The following ADAMTS12 variants were observed in gnomAD, a reference collection of about 807,000 sequenced individuals.
The protein encoded by ADAMTS12 is A disintegrin and metalloproteinase with thrombospondin motifs 12.
Under a neutral mutation model 167.8 loss-of-function variants are expected in ADAMTS12, and 118 were observed. The observed-to-expected ratio is 0.70, with a 90% CI of 0.61 to 0.82. ADAMTS12 has a LOEUF of 0.82. Among genes scored for constraint, ADAMTS12 ranks in the 40% least tolerant of loss-of-function variants. The probability of loss-of-function intolerance (pLI) is 0.00; values close to 1 mark genes in which losing one functional copy is unlikely to be tolerated. For missense variants in ADAMTS12, 1,916 were observed against 1,998.8 expected, an observed-to-expected ratio of 0.96 and a Z score of 0.79; for synonymous variants, 704 against 716.9, an observed-to-expected ratio of 0.98 and a Z score of 0.29.
chr5:33,559,119 T>C (rs1745618293), intron 20 of ADAMTS12, among the ~76,000 whole-genome samples: 1 of 152,176 alleles, frequency 6.6e-6, no homozygotes, highest in African/African-American at 2.4e-5. Flanking sequence ...CTCTGGGTCC[T>C]GTCTGTCTGG....
At position 33,525,832 on chromosome 5, in the gene ADAMTS12, C is replaced by T. The variant is rs1743787887; in HGVS notation, c.*1356G>A. On this transcript the variant is annotated 3_prime_UTR_variant, in exon 24 of 24. Coordinates refer to ENST00000504830, the MANE Select transcript of ADAMTS12 (RefSeq NM_030955.4). ...TTATGCCCCTCCACCCACCCACTTACCCTCTTTCTCTGGGTTCAGTTCATG... is the reference window on the plus strand; with the variant it reads ...TTATGCCCCTCCACCCACCCACTTATCCTCTTTCTCTGGGTTCAGTTCATG... The T allele has an allele frequency of 6.6e-6, 1 of 152,196 alleles. No homozygotes were observed. Among genetic ancestry groups the T allele is most frequent in the African/African-American group, 2.4e-5 (1 of 41,458 alleles). 9.4% of individuals were successfully genotyped at this position (152,196 alleles called of 1,614,324 possible).
At chr5:33,639,378 G>T (rs1177920052) in intron 11 of ADAMTS12, among the ~76,000 whole-genome samples, 1 of 152,130 alleles carries the variant, frequency 6.6e-6, no homozygotes, top group African/African-American at 2.4e-5. Flanking sequence ...AGAAATGAGA[G>T]AAAATTTAAG....
chr5:33,684,912 C>A (rs931531170), intron 3 of ADAMTS12, among the ~76,000 whole-genome samples: 9 of 152,100 alleles, frequency 5.9e-5, no homozygotes, highest in African/African-American at 2.2e-4. Flanking sequence ...CTGTTTAACA[C>A]CAAAACGAAT....
chr5:33,693,300 T>A (rs1233959542), intron 3 of ADAMTS12, among the ~76,000 whole-genome samples: 1 of 152,184 alleles, frequency 6.6e-6, no homozygotes, highest in Non-Finnish European at 1.5e-5. Context: ...TGAGAAACCA[T>A]CTGCTCTTTC....
At chr5:33,698,107 G>T (rs1742851985) in intron 3 of ADAMTS12, among the ~76,000 whole-genome samples, 1 of 152,208 alleles carries the variant, frequency 6.6e-6, no homozygotes, top group Non-Finnish European at 1.5e-5. Flanking sequence ...ACAAAGGTGT[G>T]GAGAGAAGAA....
intron 3 of ADAMTS12, among the ~76,000 whole-genome samples, chr5:33,703,874 G>T (rs1171188349): frequency 6.6e-6 from 1 of 152,168 alleles, no homozygotes; most frequent in Non-Finnish European, 1.5e-5. Context: ...ACAAAACTAA[G>T]TTGTTACCTG....
intron 18 of ADAMTS12, among the ~76,000 whole-genome samples, chr5:33,585,792 G>A (rs1440464172): frequency 6.6e-6 from 1 of 152,202 alleles, no homozygotes; most frequent in Non-Finnish European, 1.5e-5. Context: ...GCTGGTCACA[G>A]GGGGCAGGAA....
At chr5:33,890,714 C>CGTGT (rs906625619) in intron 1 of ADAMTS12, among the ~76,000 whole-genome samples, 3 of 151,982 alleles carry the variant, frequency 2.0e-5, no homozygotes, top group African/African-American at 7.3e-5. Context: ...GGTGCATATG[C>CGTGT]GTGTGTGTGT....
At chr5:33,757,570 C>A (rs1488497604) in intron 2 of ADAMTS12, among the ~76,000 whole-genome samples, 1 of 152,164 alleles carries the variant, frequency 6.6e-6, no homozygotes, top group East Asian at 1.9e-4. Context: ...CCTAATACAA[C>A]CCTAATATAC....
intron 5 of ADAMTS12, among the ~76,000 whole-genome samples, chr5:33,676,804 G>T (rs1741929394): frequency 1.3e-5 from 2 of 152,050 alleles, no homozygotes; most frequent in African/African-American, 4.8e-5. Context: ...CACATCAGCT[G>T]GGGGGAGGGG....
intron 2 of ADAMTS12, among the ~76,000 whole-genome samples, chr5:33,867,867 G>A (rs1749883569): frequency 6.6e-6 from 1 of 152,196 alleles, no homozygotes; most frequent in Non-Finnish European, 1.5e-5. Flanking sequence ...ATGTGGAACT[G>A]TAATCCCCAG....
intron 19 of ADAMTS12, among the ~76,000 whole-genome samples, chr5:33,574,945 A>C (rs1380097160): frequency 2.0e-5 from 3 of 152,324 alleles, no homozygotes; most frequent in African/African-American, 7.2e-5. Context: ...CCTCTTTTGC[A>C]TTGTTACATT....
chr5:33,864,931 A>G (rs1316859570), intron 2 of ADAMTS12, among the ~76,000 whole-genome samples: 1 of 152,130 alleles, frequency 6.6e-6, no homozygotes, highest in African/African-American at 2.4e-5. Context: ...TGGCCCATGT[A>G]TACCTATGTA....
At chr5:33,666,771 G>A (rs537942438) in intron 5 of ADAMTS12, among the ~76,000 whole-genome samples, 67 of 152,202 alleles carry the variant, frequency 4.4e-4, no homozygotes, top group South Asian at 3.5e-3. Flanking sequence ...GATTACAGGC[G>A]TGAGCCACCA....
At position 33,643,455 on chromosome 5, in the gene ADAMTS12, G is replaced by A. The variant is rs61748199; in HGVS notation, c.1495C>T (p.Leu499=). 8.6e-3 allele frequency: 13,941 copies of A among 1,614,040 alleles called. 1,111 individuals carry two copies. The African/African-American group carries it at 0.16, about 19-fold the overall frequency. The change falls in exon 10 of 24, where the codon CTG becomes TTG. Residue 499 remains leucine, a synonymous_variant. Coordinates refer to ENST00000504830, the MANE Select transcript of ADAMTS12 (RefSeq NM_030955.4). ...CQEVENVCQT[L]WCSVKGFCRS... ...CAAAAGCCCTTCACGGAGCACCACA[G>A]TGTCTGGCAGACGTTCTAGAAAACA...
chr5:33,644,583 A>G (rs1740590407), intron 9 of ADAMTS12, among the ~76,000 whole-genome samples: 1 of 152,066 alleles, frequency 6.6e-6, no homozygotes. Context: ...TCATTCTTAT[A>G]TATTTATTTT....
chr5:33,762,988 G>A (rs1460749161), intron 2 of ADAMTS12, among the ~76,000 whole-genome samples: 1 of 152,164 alleles, frequency 6.6e-6, no homozygotes, highest in African/African-American at 2.4e-5. Flanking sequence ...TATGCAGCCA[G>A]GTTGAAGGCT....
chr5:33,652,117 A>T (rs1740886433), intron 7 of ADAMTS12, among the ~76,000 whole-genome samples: 3 of 152,022 alleles, frequency 2.0e-5, no homozygotes, highest in Admixed American at 2.0e-4. Context: ...TTACACAATA[A>T]TTTCTCTTCC....
Position 33,697,196 on chromosome 5 carries a change from CG to C in ADAMTS12, c.635-13142del, listed in dbSNP as rs956430213. Among the ~76,000 whole-genome samples the C allele has an allele frequency of 9.4e-4, 143 of 152,214 alleles. 1 individual carries two copies. The highest frequency in any genetic ancestry group is 3.3e-3 in the African/African-American group (135 of 41,522). ...TGGTGTGTATATATTCAGAAACTGC[CG>C]GGCTCTCTAGGGAAAGATAAGGTAC... On this transcript the variant is annotated intron_variant, in intron 3 of 23. Transcript: ENST00000504830.
Sources: allele counts gnomAD v4.1 joint callset (sites outside exome capture counted in the v4.1 genomes callset), GRCh38; gene constraint gnomAD v4.1.1; transcripts MANE v1.5; gene names NCBI Gene and HGNC (gene_info 2026-07-23, HGNC 2026-07-21).